The following SKAP2 variants were observed in gnomAD, a reference collection of about 807,000 sequenced individuals.
SKAP2 encodes src kinase-associated phosphoprotein 2.
A neutral mutation model predicts 54.9 loss-of-function variants in SKAP2; 28 were observed. The observed-to-expected ratio is 0.51, with a 90% CI of 0.38 to 0.70. SKAP2 has a LOEUF of 0.70. SKAP2 is among the 30% of genes least tolerant of loss of function. The pLI is 0.00. For synonymous variants in SKAP2, 137 were observed against 134.3 expected, an observed-to-expected ratio of 1.02 and a Z score of -0.14; for missense variants, 356 against 424.1, an observed-to-expected ratio of 0.84 and a Z score of 1.41.
chr7:26,683,338 C>T (rs910249378), intron 11 of SKAP2, among the ~76,000 whole-genome samples: 1 of 152,226 alleles, frequency 6.6e-6, no homozygotes, highest in East Asian at 1.9e-4. Flanking sequence ...CTATCTATAG[C>T]GTCCAAGAAC....
chr7:26,804,775 G>A, intron 4 of SKAP2, among the ~76,000 whole-genome samples: 1 of 149,206 alleles, frequency 6.7e-6, no homozygotes. Flanking sequence ...TTTAATGCAG[G>A]AATAAATAAA....
intron 4 of SKAP2, among the ~76,000 whole-genome samples, chr7:26,798,024 G>GAAT (rs1429717561): frequency 1.3e-5 from 2 of 151,482 alleles, no homozygotes; most frequent in Non-Finnish European, 2.9e-5. Context: ...AAAGAAAAAA[G>GAAT]AATAATAATA....
chr7:26,763,133 T>A (rs893963535), intron 4 of SKAP2, among the ~76,000 whole-genome samples: 1 of 152,196 alleles, frequency 6.6e-6, no homozygotes, highest in Non-Finnish European at 1.5e-5. Context: ...AATTATATTT[T>A]AATAATACCA....
chr7:26,711,468 A>G (rs574481602), intron 9 of SKAP2, among the ~76,000 whole-genome samples: 63 of 152,360 alleles, frequency 4.1e-4, no homozygotes, highest in African/African-American at 1.3e-3. Context: ...AGCCACATCA[A>G]CTAAAGTTTG....
At chr7:26,660,742 G>T in the SKAP2 span, among the ~76,000 whole-genome samples, 4 of 152,048 alleles carry the variant, frequency 2.6e-5, no homozygotes, top group African/African-American at 9.7e-5. Context: ...AAGATGGTAA[G>T]AGAAACTTTG....
Position 26,828,018 on chromosome 7 carries a change from A to T in SKAP2, c.307+16012T>A, listed in dbSNP as rs1784526110. 2.0e-5 allele frequency among the ~76,000 whole-genome samples: 3 copies of T among 152,298 alleles called. No homozygotes were observed. The South Asian group carries it at 6.2e-4, about 32-fold the overall frequency. On this transcript the variant is annotated intron_variant, in intron 4 of 12. Transcript: ENST00000345317. ...TAACAAGAGAGAAGAGATCAATTCA[A>T]ATAAACAAACTAACTTTCTTTTGTT... is the stretch of plus-strand genomic sequence containing the variant.
intron 9 of SKAP2, among the ~76,000 whole-genome samples, chr7:26,700,507 G>GC (rs1243880844): frequency 2.0e-5 from 3 of 152,174 alleles, no homozygotes; most frequent in Admixed American, 6.5e-5. Flanking sequence ...GTTCATAACT[G>GC]CGTCTCTCAC....
At chr7:26,725,636 A>G in intron 8 of SKAP2, 71 bp from the exon 9 acceptor site, 1 of 1,343,026 alleles carries the variant, frequency 7.4e-7, no homozygotes. Flanking sequence ...TACTTTATAA[A>G]TAAATGCAGC....
chr7:26,733,744 C>T (rs576484568), intron 6 of SKAP2, among the ~76,000 whole-genome samples: 1 of 152,188 alleles, frequency 6.6e-6, no homozygotes, highest in Admixed American at 6.5e-5. Context: ...CAATTTTCTA[C>T]GGACTTTTAT....
intron 6 of SKAP2, among the ~76,000 whole-genome samples, chr7:26,727,379 G>A (rs1315891305): frequency 1.3e-5 from 2 of 151,872 alleles, no homozygotes; most frequent in Non-Finnish European, 2.9e-5. Context: ...AAAACTTGTC[G>A]GGCTTTATCT....
intron 1 of SKAP2, among the ~76,000 whole-genome samples, chr7:26,861,638 T>TA (rs1211777674): frequency 8.4e-6 from 1 of 119,672 alleles, no homozygotes; most frequent in African/African-American, 3.3e-5. Flanking sequence ...TTTTTTTTTT[T>TA]ACATTTCTAT....
Position 26,744,871 on chromosome 7 carries a change from CAT to C in SKAP2, c.308-4909_308-4908del, listed in dbSNP as rs1182663867. ...GACTCAGAGACATTTTCAAAATAGA[CAT>C]GTTTTTATTATCATTTTTATTTTTT... On this transcript the variant is annotated intron_variant, in intron 4 of 12. Transcript: ENST00000345317. Among the ~76,000 whole-genome samples, 21 of 152,204 alleles carry C rather than the reference CAT, an allele frequency of 1.4e-4. No homozygotes were observed. In the East Asian group the frequency reaches 3.9e-3, roughly 28 times the overall value.
chr7:26,686,417 G>A (rs1383979962), intron 10 of SKAP2, among the ~76,000 whole-genome samples: 1 of 152,038 alleles, frequency 6.6e-6, no homozygotes, highest in Non-Finnish European at 1.5e-5. Flanking sequence ...TAGCATCTGA[G>A]CACTCATCAC....
the SKAP2 span, among the ~76,000 whole-genome samples, chr7:26,659,716 G>A: frequency 4.6e-5 from 7 of 151,842 alleles, no homozygotes; most frequent in Non-Finnish European, 8.8e-5. Flanking sequence ...CCAGTTATAT[G>A]TGTGTGTGTA....
intron 9 of SKAP2, among the ~76,000 whole-genome samples, chr7:26,701,892 TAATACCACAA>T (rs1466010328): frequency 6.6e-6 from 1 of 152,150 alleles, no homozygotes; most frequent in East Asian, 1.9e-4. Context: ...TGTTTGTCAT[TAATACCACAA>T]AATACCACAA....
chr7:26,672,257 G>T (rs771172415), intron 11 of SKAP2, among the ~76,000 whole-genome samples: 11 of 151,988 alleles, frequency 7.2e-5, no homozygotes, highest in Non-Finnish European at 1.5e-4. Context: ...ATCAACTAAA[G>T]GCATGTTATC....
At chr7:26,661,820 C>T in the SKAP2 span, among the ~76,000 whole-genome samples, 1 of 152,170 alleles carries the variant, frequency 6.6e-6, no homozygotes, top group South Asian at 2.1e-4. Context: ...ATTATTTGAT[C>T]ATTGTTTCAT....
At position 26,689,620 on chromosome 7, in the gene SKAP2, T is replaced by A. The variant is rs528555489; in HGVS notation, c.874+665A>T. ...TTTCCAATTTTTAAGCTGCTGTCAC[T>A]GGACTCTGGCATTTCTTACCCAATT... On this transcript the variant is annotated intron_variant, in intron 10 of 12. Coordinates refer to ENST00000345317, the MANE Select transcript of SKAP2 (RefSeq NM_003930.5). 8.5e-5 allele frequency among the ~76,000 whole-genome samples: 13 copies of A among 152,356 alleles called. No individual in the cohort carries two copies. The East Asian group carries it at 1.5e-3, about 18-fold the overall frequency.
chr7:26,790,065 A>T (rs1187529752), intron 4 of SKAP2, among the ~76,000 whole-genome samples: 1 of 152,184 alleles, frequency 6.6e-6, no homozygotes, highest in East Asian at 1.9e-4. Flanking sequence ...CCGCTTGCAC[A>T]CTGGCCAGCC....
Sources: allele counts gnomAD v4.1 joint callset (sites outside exome capture counted in the v4.1 genomes callset), GRCh38; gene constraint gnomAD v4.1.1; transcripts MANE v1.5; gene names NCBI Gene and HGNC (gene_info 2026-07-23, HGNC 2026-07-21).